The following LRRCC1 variants were observed in gnomAD, a reference collection of about 807,000 sequenced individuals.
The protein encoded by LRRCC1 is leucine-rich repeat and coiled-coil domain-containing protein 1.
A neutral mutation model predicts 126.0 loss-of-function variants in LRRCC1; 115 were observed. That is an observed-to-expected ratio of 0.91 (90% CI 0.78 to 1.07). LRRCC1 has a LOEUF of 1.07. LRRCC1 is among the 50% of genes least tolerant of loss of function. LRRCC1 has a pLI of 0.00. For synonymous variants in LRRCC1, 400 were observed against 393.4 expected (o/e 1.02, Z -0.20); for missense variants, 1,172 against 1,175.7 (o/e 1.00, Z 0.05).
In LRRCC1 at chr8:85,131,824, A is replaced by G; in HGVS notation, c.1831A>G (p.Ile611Val). The G allele has an allele frequency of 6.2e-7, 1 of 1,613,906 alleles. No homozygotes were observed. Among genetic ancestry groups the G allele is most frequent in the South Asian group, 1.1e-5 (1 of 91,046 alleles). The change falls in exon 12 of 19, where the codon ATA (isoleucine) becomes GTA (valine). Residue 611 changes from isoleucine (I) to valine (V), a missense_variant. Ile to Val is a conservative substitution (Grantham distance 29). Coordinates refer to ENST00000360375, the MANE Select transcript of LRRCC1 (RefSeq NM_033402.5). Reference sequence around the variant, plus strand: ...CTTCCAGGATGCCTTAGCTAAAGAAATAGCCAAAGAAGAGAAAAAGCATGA... The same window carrying G: ...CTTCCAGGATGCCTTAGCTAAAGAAGTAGCCAAAGAAGAGAAAAAGCATGA... The part of the protein sequence containing the change: ...ADFQDALAKE[I>V]AKEEKKHEQM...
At position 85,111,980 on chromosome 8, in the gene LRRCC1, C is replaced by T. The variant is rs954513053; in HGVS notation, c.377-952C>T. Reference sequence around the variant, plus strand: ...TGGGTTCCAGCGATTCTCCTGTCAGCCTCCTGAGTAGCTGGGACTACAGGC... The same window carrying T: ...TGGGTTCCAGCGATTCTCCTGTCAGTCTCCTGAGTAGCTGGGACTACAGGC... On this transcript the variant is annotated intron_variant, in intron 3 of 18. Transcript: ENST00000360375. 5.9e-5 allele frequency among the ~76,000 whole-genome samples: 9 copies of T among 151,908 alleles called. No individual in the cohort carries two copies. In the East Asian group the frequency reaches 1.6e-3, roughly 26 times the overall value.
intron 11 of LRRCC1, 61 bp downstream of exon 11, chr8:85,130,119 G>C: frequency 7.7e-7 from 1 of 1,294,278 alleles, no homozygotes; most frequent in Non-Finnish European, 1.0e-6. Flanking sequence ...AAAGCTACTG[G>C]TTCCCCACTA....
intron 12 of LRRCC1, 55 bp downstream of exon 12, chr8:85,132,016 G>T: frequency 7.0e-7 from 1 of 1,418,472 alleles, no homozygotes; most frequent in Non-Finnish European, 9.7e-7. Flanking sequence ...GATATGGTTT[G>T]ATGAGAGGAC....
In LRRCC1 at chr8:85,115,288, C is replaced by CT. The variant is rs747100918; in HGVS notation, c.720+22dup. On this transcript the variant is annotated intron_variant, in intron 5 of 18. Coordinates refer to ENST00000360375, the MANE Select transcript of LRRCC1 (RefSeq NM_033402.5). ...AAGTGAAGATGAGGTATAGTATTTA[C>CT]TTTTTTTTTCCTAATATAAAAAATA... 5.9e-4 allele frequency: 918 copies of CT among 1,559,876 alleles called. No individual in the cohort carries two copies. The highest frequency in any genetic ancestry group is 1.8e-3 in the African/African-American group (127 of 72,472).
At chr8:85,143,633 T>C (rs1165936856) in intron 18 of LRRCC1, among the ~76,000 whole-genome samples, 1 of 152,072 alleles carries the variant, frequency 6.6e-6, no homozygotes, top group African/African-American at 2.4e-5. Flanking sequence ...CAATATCCTA[T>C]CTCAAAATTT....
chr8:85,135,044 C>T lies in LRRCC1; in HGVS notation c.2154+12C>T, dbSNP rs753927410. 2 of 1,480,256 alleles carry T rather than the reference C, an allele frequency of 1.4e-6. No homozygotes were observed. The highest frequency in any genetic ancestry group is 8.9e-7 in the Non-Finnish European group (1 of 1,120,692). The allele number at this position is 1,480,256 out of a possible 1,614,324, so 91.7% of individuals were successfully genotyped here. A position where few individuals can be genotyped will look rare whatever the true frequency, so the allele number is the denominator to read the frequency against. On this transcript the variant is annotated intron_variant, in intron 13 of 18. Transcript: ENST00000360375. ...CAGCAAATTTACAGGTAAGACTTTGCAACATTATATGTTTTAAAATTTTTT... is the reference window on the plus strand; with the variant it reads ...CAGCAAATTTACAGGTAAGACTTTGTAACATTATATGTTTTAAAATTTTTT...
At chr8:85,136,915 C>T (rs964437131) in intron 14 of LRRCC1, among the ~76,000 whole-genome samples, 34 of 150,464 alleles carry the variant, frequency 2.3e-4, no homozygotes, top group African/African-American at 8.1e-4. Flanking sequence ...AACTCCACCT[C>T]CCGGGTTCAA....
At chr8:85,116,133 T>C (rs972256066) in intron 6 of LRRCC1, among the ~76,000 whole-genome samples, 3 of 152,232 alleles carry the variant, frequency 2.0e-5, no homozygotes, top group African/African-American at 7.2e-5. Context: ...CTGTGAACTA[T>C]GTGTATGAAC....
intron 18 of LRRCC1, among the ~76,000 whole-genome samples, chr8:85,142,304 C>T (rs1811309016): frequency 6.6e-6 from 1 of 152,006 alleles, no homozygotes; most frequent in South Asian, 2.1e-4. Flanking sequence ...AGAAAAAAAA[C>T]ACCATATTCA....
chr8:85,127,451 A>G (rs994948635), intron 9 of LRRCC1, among the ~76,000 whole-genome samples: 7 of 152,222 alleles, frequency 4.6e-5, no homozygotes. Context: ...AATGATTATA[A>G]CATGTTTAGA....
At position 85,138,036 on chromosome 8, in the gene LRRCC1, G is replaced by A; in HGVS notation, c.2495G>A (p.Cys832Tyr). ...AAAGTGCCAATTTTTTTCTTAAAGT[G>A]TTTACAAGAAAAAGATGAACACATC... ...QTETIRKLKD[C>Y]LQEKDEHIKR... The change falls in exon 16 of 19, where the codon TGT (cysteine) becomes TAT (tyrosine). Residue 832 changes from cysteine to tyrosine, a missense_variant and splice_region_variant. Physicochemically the swap from Cys to Tyr is radical, Grantham distance 194. Transcript: ENST00000360375. The A allele has an allele frequency of 6.6e-7, 1 of 1,523,460 alleles. No individual in the cohort carries two copies. Among genetic ancestry groups the A allele is most frequent in the Non-Finnish European group, 8.8e-7 (1 of 1,130,396 alleles). The allele number at this position is 1,523,460 out of a possible 1,614,324, so 94.4% of individuals were successfully genotyped here. A position where few individuals can be genotyped will look rare whatever the true frequency, so the allele number is the denominator to read the frequency against.
intron 6 of LRRCC1, among the ~76,000 whole-genome samples, chr8:85,116,135 T>C (rs531593347): frequency 6.6e-6 from 1 of 152,356 alleles, no homozygotes; most frequent in African/African-American, 2.4e-5. Context: ...GTGAACTATG[T>C]GTATGAACTA....
intron 3 of LRRCC1, among the ~76,000 whole-genome samples, chr8:85,111,105 T>C (rs754354042): frequency 2.0e-5 from 3 of 152,196 alleles, no homozygotes; most frequent in Admixed American, 2.0e-4. Context: ...TTGCCGGGTG[T>C]GGTGTCTCAC....
chr8:85,111,953 C>T (rs567354615), intron 3 of LRRCC1, among the ~76,000 whole-genome samples: 2 of 151,658 alleles, frequency 1.3e-5, no homozygotes, highest in Non-Finnish European at 1.5e-5. Context: ...GCCTCTGCCT[C>T]CTGGGTTCCA....
intron 18 of LRRCC1, among the ~76,000 whole-genome samples, chr8:85,142,720 T>C (rs1257697435): frequency 6.6e-6 from 1 of 151,500 alleles, no homozygotes; most frequent in East Asian, 1.9e-4. Context: ...GTCACAGCTA[T>C]TTGGGAGGCT....
chr8:85,122,175 T>A (rs1809611809), intron 6 of LRRCC1, among the ~76,000 whole-genome samples: 1 of 152,220 alleles, frequency 6.6e-6, no homozygotes. Flanking sequence ...TTTCTTTGGC[T>A]ACTGTCAAGA....
intron 4 of LRRCC1, among the ~76,000 whole-genome samples, chr8:85,113,858 C>T (rs957177780): frequency 4.6e-5 from 7 of 152,034 alleles, no homozygotes; most frequent in Non-Finnish European, 1.0e-4. Context: ...ACCAGACTAC[C>T]ATTTCTAGAA....
rs1438461736 is a variant in LRRCC1, at chr8:85,129,157, A to G, written c.1422-18A>G. On this transcript the variant is annotated intron_variant, in intron 9 of 18. Transcript: ENST00000360375. ...ATATGTGTAATATACTTAACACCAC[A>G]TATAACTTCTGCTTTAGGCTAAAGG... The G allele has an allele frequency of 6.4e-7, 1 of 1,557,080 alleles. No individual in the cohort carries two copies. Among genetic ancestry groups the G allele is most frequent in the African/African-American group, 1.4e-5 (1 of 73,042 alleles).
At chr8:85,142,295 G>GA (rs906783787) in intron 18 of LRRCC1, among the ~76,000 whole-genome samples, 16 of 151,422 alleles carry the variant, frequency 1.1e-4, no homozygotes, top group Non-Finnish European at 1.6e-4. Flanking sequence ...CTGTCTCAAA[G>GA]AAAAAAAACA....
Sources: allele counts gnomAD v4.1 joint callset (sites outside exome capture counted in the v4.1 genomes callset), GRCh38; gene constraint gnomAD v4.1.1; transcripts MANE v1.5; gene names NCBI Gene and HGNC (gene_info 2026-07-23, HGNC 2026-07-21).